The following RBFOX1 variants were observed in gnomAD, a reference collection of about 807,000 sequenced individuals.
RBFOX1 encodes the protein RNA binding protein fox-1 homolog 1.
Under a neutral mutation model 57.7 loss-of-function variants are expected in RBFOX1, and 8 were observed. That is an observed-to-expected ratio of 0.14 (90% CI 0.08 to 0.25). The LOEUF is 0.25. Among genes scored for constraint, RBFOX1 ranks in the 10% least tolerant of loss-of-function variants. The probability of loss-of-function intolerance (pLI) is 1.00; values close to 1 mark genes in which losing one functional copy is unlikely to be tolerated. For missense variants in RBFOX1, 611 were observed against 548.5 expected, an observed-to-expected ratio of 1.11 and a Z score of -1.14; for synonymous variants, 326 against 222.4, an observed-to-expected ratio of 1.47 and a Z score of -4.15.
chr16:6,592,568 T>C (rs1450622286), intron 2 of RBFOX1, among the ~76,000 whole-genome samples: 1 of 152,208 alleles, frequency 6.6e-6, no homozygotes, highest in Non-Finnish European at 1.5e-5. Context: ...CAGGAGTCCA[T>C]ATGCTGGCTC....
At chr16:7,649,188 C>T (rs1218375329) in intron 11 of RBFOX1, among the ~76,000 whole-genome samples, 1 of 151,974 alleles carries the variant, frequency 6.6e-6, no homozygotes, top group Admixed American at 6.6e-5. Flanking sequence ...CATGTCCACC[C>T]CTTGGTATAA....
intron 2 of RBFOX1, among the ~76,000 whole-genome samples, chr16:6,542,330 G>A (rs2096832273): frequency 6.6e-6 from 1 of 151,938 alleles, no homozygotes; most frequent in Non-Finnish European, 1.5e-5. Context: ...CTCACACAGG[G>A]CTGGATTGTG....
At chr16:6,464,910 G>C (rs552808497) in intron 2 of RBFOX1, among the ~76,000 whole-genome samples, 6 of 152,292 alleles carry the variant, frequency 3.9e-5, no homozygotes, top group Admixed American at 3.9e-4. Context: ...AGAGATCCCG[G>C]GGGCAATTCT....
At chr16:6,281,336 A>G (rs532759326) in intron 1 of RBFOX1, among the ~76,000 whole-genome samples, 1 of 152,094 alleles carries the variant, frequency 6.6e-6, no homozygotes, top group Non-Finnish European at 1.5e-5. Context: ...TCTCAGAGAG[A>G]TTATGCACAC....
intron 1 of RBFOX1, among the ~76,000 whole-genome samples, chr16:6,225,172 G>A (rs1293662806): frequency 6.6e-6 from 1 of 151,944 alleles, no homozygotes; most frequent in Non-Finnish European, 1.5e-5. Context: ...AACAATGGAA[G>A]GAATAACAGC....
chr16:5,250,013 G>T (rs60997449), intron 1 of RBFOX1, among the ~76,000 whole-genome samples: 19,411 of 151,102 alleles, frequency 0.13, 1,408 homozygotes, highest in East Asian at 0.3. Flanking sequence ...GTGAGGAGGA[G>T]GTTGCAGTAA....
rs531211794 is a variant in RBFOX1, at chr16:7,071,809, T to C, written c.27+19711T>C. Reference sequence around the variant, plus strand: ...AAATTCACACTCATCATCTGTGTCTTCTACACACACACACCTGCCCATTAA... The same window carrying C: ...AAATTCACACTCATCATCTGTGTCTCCTACACACACACACCTGCCCATTAA... On this transcript the variant is annotated intron_variant, in intron 4 of 15. Transcript: ENST00000550418. Among the ~76,000 whole-genome samples the C allele has an allele frequency of 1.7e-3, 253 of 152,218 alleles. 1 individual carries two copies. The highest frequency in any genetic ancestry group is 5.5e-3 in the African/African-American group (230 of 41,528).
At chr16:7,100,130 C>CA (rs557002159) in intron 4 of RBFOX1, among the ~76,000 whole-genome samples, 2,306 of 131,768 alleles carry the variant, frequency 0.018, 42 homozygotes, top group African/African-American at 0.051. Context: ...GTGAAGGGAA[C>CA]AAAAAAAAAA....
At chr16:6,098,552 T>C (rs1177792737) in intron 1 of RBFOX1, among the ~76,000 whole-genome samples, 2 of 152,236 alleles carry the variant, frequency 1.3e-5, no homozygotes, top group African/African-American at 4.8e-5. Context: ...CAATTAATTA[T>C]AGAAGCATTA....
chr16:5,967,221 G>C (rs1000726793), intron 4 of RBFOX1, among the ~76,000 whole-genome samples: 5 of 152,168 alleles, frequency 3.3e-5, no homozygotes, highest in African/African-American at 1.2e-4. Context: ...GACTAGACCA[G>C]AGGTCTGAAA....
At chr16:6,535,396 C>T (rs1297346858) in intron 2 of RBFOX1, among the ~76,000 whole-genome samples, 2 of 150,288 alleles carry the variant, frequency 1.3e-5, no homozygotes, top group African/African-American at 4.9e-5. Context: ...CTAGAAGTCT[C>T]ACAAGCCCTG....
At chr16:7,198,086 A>G (rs2087252408) in intron 4 of RBFOX1, among the ~76,000 whole-genome samples, 1 of 138,358 alleles carries the variant, frequency 7.2e-6, no homozygotes, top group Non-Finnish European at 1.5e-5. Context: ...GCTCACTGCA[A>G]GCTCCACCTC....
intron 1 of RBFOX1, among the ~76,000 whole-genome samples, chr16:6,085,641 A>AGTGTGTGTTTGTGTGTGT (rs2096072875): frequency 1.1e-5 from 1 of 94,574 alleles, no homozygotes; most frequent in Non-Finnish European, 2.6e-5. Flanking sequence ...GAGAAGTAGC[A>AGTGTGTGTTTGTGTGTGT]GTGTGTGTTT....
chr16:6,888,201 A>G (rs2064577423), intron 3 of RBFOX1, among the ~76,000 whole-genome samples: 1 of 152,198 alleles, frequency 6.6e-6, no homozygotes, highest in Non-Finnish European at 1.5e-5. Context: ...TTTACCCAAA[A>G]AATAACTAAC....
intron 3 of RBFOX1, among the ~76,000 whole-genome samples, chr16:6,668,082 A>G (rs547028545): frequency 5.3e-5 from 8 of 152,296 alleles, no homozygotes; most frequent in African/African-American, 1.4e-4. Context: ...CAAACCCTCA[A>G]TTACCTGTCT....
intron 2 of RBFOX1, among the ~76,000 whole-genome samples, chr16:6,612,847 C>G (rs1473948413): frequency 4.7e-5 from 2 of 42,354 alleles, no homozygotes; most frequent in Non-Finnish European, 8.2e-5. Flanking sequence ...GAGACTCTCT[C>G]TCAAAAAAAA....
intron 2 of RBFOX1, among the ~76,000 whole-genome samples, chr16:6,383,571 G>C (rs750611732): frequency 2.0e-5 from 3 of 152,076 alleles, no homozygotes; most frequent in South Asian, 2.1e-4. Context: ...TCAGGAGTTC[G>C]AGACTGGCCT....
chr16:5,821,009 G>A (rs746558824), intron 3 of RBFOX1, among the ~76,000 whole-genome samples: 1 of 152,128 alleles, frequency 6.6e-6, no homozygotes, highest in Non-Finnish European at 1.5e-5. Flanking sequence ...CTGGCCACCA[G>A]TCCTCAAGTG....
chr16:6,079,845 A>G (rs1011549257), intron 1 of RBFOX1, among the ~76,000 whole-genome samples: 2 of 152,172 alleles, frequency 1.3e-5, no homozygotes, highest in Non-Finnish European at 1.5e-5. Flanking sequence ...CAAGCAAAAA[A>G]GAAAAAGCCT....
Sources: allele counts gnomAD v4.1 joint callset (sites outside exome capture counted in the v4.1 genomes callset), GRCh38; gene constraint gnomAD v4.1.1; transcripts MANE v1.5; gene names NCBI Gene and HGNC (gene_info 2026-07-23, HGNC 2026-07-21).